PUS7L: variants seen among roughly 807,000 people sequenced by gnomAD.
PUS7L encodes pseudouridine synthase 7 like.
In PUS7L, 49 loss-of-function variants were observed where a neutral mutation model predicts 51.1. The observed-to-expected ratio is 0.96, with a 90% CI of 0.76 to 1.22. PUS7L has a LOEUF of 1.22. Ranked by LOEUF, PUS7L falls within the 50% of genes most tolerant of loss-of-function variation. The pLI is 0.00. For synonymous variants in PUS7L, 277 were observed against 276.2 expected (o/e 1.00, Z -0.03); for missense variants, 828 against 820.6 (o/e 1.01, Z -0.11).
chr12:43,732,561 C>T (rs1373491902), intron 7 of PUS7L, among the ~76,000 whole-genome samples: 2 of 152,118 alleles, frequency 1.3e-5, no homozygotes, highest in Non-Finnish European at 2.9e-5. Context: ...GACAGATTAA[C>T]TCTATGAAAT....
In PUS7L at chr12:43,727,275, G is replaced by A. The variant is rs1016143111; in HGVS notation, c.*3101C>T. 3 of 152,168 alleles carry A rather than the reference G, an allele frequency of 2.0e-5. No homozygotes were observed. Among genetic ancestry groups the A allele is most frequent in the Non-Finnish European group, 4.4e-5 (3 of 68,022 alleles). 9.4% of individuals were successfully genotyped at this position (152,168 alleles called of 1,614,324 possible). A position where few individuals can be genotyped will look rare whatever the true frequency, so the allele number is the denominator to read the frequency against. ...GTTCAGCCTCTGTGGAAAGCAGTTT[G>A]AAGATTTCTCAAAGAACTTAAAGCA... On this transcript the variant is annotated 3_prime_UTR_variant, in exon 9 of 9. Transcript: ENST00000344862.
intron 4 of PUS7L, among the ~76,000 whole-genome samples, chr12:43,742,937 C>T (rs866149680): frequency 3.9e-5 from 6 of 152,148 alleles, no homozygotes; most frequent in Non-Finnish European, 7.4e-5. Flanking sequence ...TGAGACTCTT[C>T]GGCTGTCTGG....
chr12:43,758,761 A>G lies in PUS7L; in HGVS notation c.-48T>C. ...TCAGTGGAAGGCATTCATTTGCACA[A>G]CGCTGTGCGCATGCCCGGAAGCCTT... On this transcript the variant is annotated 5_prime_UTR_variant, in exon 1 of 9. Coordinates refer to ENST00000344862, the MANE Select transcript of PUS7L (RefSeq NM_031292.5). The G allele has an allele frequency of 1.1e-6, 1 of 949,646 alleles. No individual in the cohort carries two copies. Among genetic ancestry groups the G allele is most frequent in the Non-Finnish European group, 1.3e-6 (1 of 799,256 alleles). 58.8% of individuals were successfully genotyped at this position (949,646 alleles called of 1,614,324 possible). A position where few individuals can be genotyped will look rare whatever the true frequency, so the allele number is the denominator to read the frequency against.
Position 43,731,750 on chromosome 12 carries a change from C to T in PUS7L, c.1734G>A (p.Leu578=). The part of the protein sequence containing the change: ...DENFPNSKIH[L]VTEEEGSANM... ...TAGCTGATCCCTCCTCTTCAGTTAC[C>T]AGGTGAATCTAGTTTTAAAAAACAT... Residue 578 remains leucine, a synonymous_variant, in exon 8 of 9, where the codon CTG becomes CTA. Coordinates refer to ENST00000344862, the MANE Select transcript of PUS7L (RefSeq NM_031292.5). 6.4e-7 allele frequency: 1 copy of T among 1,572,464 alleles called. No individual in the cohort carries two copies.
In PUS7L at chr12:43,754,986, T is replaced by C. The variant is rs1321583473; in HGVS notation, c.260A>G (p.Glu87Gly). 3 of 1,613,330 alleles carry C rather than the reference T, an allele frequency of 1.9e-6. No individual in the cohort carries two copies. Among genetic ancestry groups the C allele is most frequent in the Non-Finnish European group, 2.5e-6 (3 of 1,179,664 alleles). Residue 87 changes from glutamate (E) to glycine (G), a missense_variant, in exon 2 of 9, where the codon GAA (glutamate) becomes GGA (glycine). By Grantham distance (98) the Glu-to-Gly change is moderately conservative. Transcript: ENST00000344862. ...NLSLEDGRNQ[E>G]VHTLIKYTDG... is the part of the protein sequence containing the mutation. ...AGTGTACTTAATCAAAGTATGAACT[T>C]CTTGGTTTCTTCCATCTTCTAAGGA...
intron 2 of PUS7L, among the ~76,000 whole-genome samples, chr12:43,753,211 T>C (rs1025491460): frequency 1.3e-5 from 2 of 152,214 alleles, no homozygotes; most frequent in Admixed American, 6.5e-5. Flanking sequence ...TATTACATAG[T>C]AAACAATTTC....
intron 7 of PUS7L, among the ~76,000 whole-genome samples, chr12:43,736,138 TTAA>T (rs1180728500): frequency 1.3e-5 from 2 of 152,192 alleles, no homozygotes; most frequent in African/African-American, 4.8e-5. Flanking sequence ...AATGGGTTTT[TTAA>T]AGGAAGCTTT....
At chr12:43,735,730 A>T (rs1025579471) in intron 7 of PUS7L, among the ~76,000 whole-genome samples, 6 of 152,170 alleles carry the variant, frequency 3.9e-5, no homozygotes, top group African/African-American at 1.2e-4. Context: ...GAGGAAGCAC[A>T]GGGAATCACA....
In PUS7L at chr12:43,726,004, A is replaced by G. The variant is rs1187918187; in HGVS notation, c.*4372T>C. The G allele has an allele frequency of 6.6e-6, 1 of 152,182 alleles. No homozygotes were observed. Among genetic ancestry groups the G allele is most frequent in the South Asian group, 2.1e-4 (1 of 4,828 alleles). 9.4% of individuals were successfully genotyped at this position (152,182 alleles called of 1,614,324 possible). A position where few individuals can be genotyped will look rare whatever the true frequency, so the allele number is the denominator to read the frequency against. Reference sequence around the variant, plus strand: ...AAAAAATCAAGGTGTTTTAATTTTAATATTAGTAAAAGACCTCAATTTGTT... The same window carrying G: ...AAAAAATCAAGGTGTTTTAATTTTAGTATTAGTAAAAGACCTCAATTTGTT... On this transcript the variant is annotated 3_prime_UTR_variant, in exon 9 of 9. Coordinates refer to ENST00000344862, the MANE Select transcript of PUS7L (RefSeq NM_031292.5).
intron 7 of PUS7L, among the ~76,000 whole-genome samples, chr12:43,732,746 A>G (rs893031524): frequency 2.0e-5 from 3 of 151,460 alleles, no homozygotes; most frequent in Non-Finnish European, 4.4e-5. Context: ...TTTCCCCTCA[A>G]CTCTCCCTAG....
chr12:43,733,955 T>C (rs1365444985), intron 7 of PUS7L, among the ~76,000 whole-genome samples: 1 of 152,200 alleles, frequency 6.6e-6, no homozygotes, highest in East Asian at 1.9e-4. Flanking sequence ...TTTTGCATAT[T>C]CATCCATTTA....
intron 1 of PUS7L, among the ~76,000 whole-genome samples, chr12:43,757,786 T>C (rs774336374): frequency 5.3e-5 from 8 of 152,092 alleles, no homozygotes; most frequent in Non-Finnish European, 8.8e-5. Context: ...GTTCAAGAGA[T>C]AGAAATGAGG....
At position 43,720,140 on chromosome 12, in the gene PUS7L, T is replaced by C. The variant is rs1944380609; in HGVS notation, c.*10236A>G. 1 of 152,162 alleles carries C rather than the reference T, an allele frequency of 6.6e-6. No homozygotes were observed. The highest frequency in any genetic ancestry group is 2.4e-5 in the African/African-American group (1 of 41,428). 9.4% of individuals were successfully genotyped at this position (152,162 alleles called of 1,614,324 possible). On this transcript the variant is annotated 3_prime_UTR_variant, in exon 9 of 9. Transcript: ENST00000344862. ...CCACAAGTTTTGATGTGTAGTATGG[T>C]TTAATATCATTGACTTAAAAATATT...
chr12:43,753,119 T>A (rs1034251136), intron 2 of PUS7L, among the ~76,000 whole-genome samples: 1 of 152,166 alleles, frequency 6.6e-6, no homozygotes, highest in Non-Finnish European at 1.5e-5. Context: ...CAATTCCTCT[T>A]TCTACAAGTA....
chr12:43,737,374 C>T (rs1937660172), intron 6 of PUS7L, among the ~76,000 whole-genome samples: 1 of 152,036 alleles, frequency 6.6e-6, no homozygotes, highest in Non-Finnish European at 1.5e-5. Context: ...ACACTGTTTA[C>T]ACATTGTGGT....
At chr12:43,737,112 A>G (rs899554762) in intron 6 of PUS7L, among the ~76,000 whole-genome samples, 1 of 152,224 alleles carries the variant, frequency 6.6e-6, no homozygotes, top group African/African-American at 2.4e-5. Context: ...TGGAGCCTTC[A>G]GGCACACTAT....
At chr12:43,751,276 C>T (rs1447552740) in intron 2 of PUS7L, among the ~76,000 whole-genome samples, 1 of 151,766 alleles carries the variant, frequency 6.6e-6, no homozygotes, top group Non-Finnish European at 1.5e-5. Context: ...TATACATGTG[C>T]CATGTTGGTG....
chr12:43,745,561 G>A (rs183875924), intron 4 of PUS7L, among the ~76,000 whole-genome samples: 1 of 152,258 alleles, frequency 6.6e-6, no homozygotes, highest in East Asian at 1.9e-4. Flanking sequence ...AATTTCCTGA[G>A]GCATCCCCAG....
chr12:43,756,299 G>A (rs1377489182), intron 1 of PUS7L, among the ~76,000 whole-genome samples: 1 of 151,966 alleles, frequency 6.6e-6, no homozygotes, highest in East Asian at 1.9e-4. Context: ...TTGAAATCTG[G>A]CTATTTCTTC....
Sources: allele counts gnomAD v4.1 joint callset (sites outside exome capture counted in the v4.1 genomes callset), GRCh38; gene constraint gnomAD v4.1.1; transcripts MANE v1.5; gene names NCBI Gene and HGNC (gene_info 2026-07-23, HGNC 2026-07-21).